Variants in EHHADH observed in about 807,000 individuals in gnomAD.
EHHADH encodes peroxisomal bifunctional enzyme.
EHHADH carries 48 observed loss-of-function variants against 64.4 expected under a neutral mutation model. The observed-to-expected ratio is 0.75, with a 90% CI of 0.59 to 0.95. EHHADH has a LOEUF of 0.95. Among genes scored for constraint, EHHADH ranks in the 40% least tolerant of loss-of-function variants. The pLI is 0.00. For synonymous variants in EHHADH, 308 were observed against 326.7 expected (o/e 0.94, Z 0.62); for missense variants, 854 against 876.6 (o/e 0.97, Z 0.33).
chr3:185,193,666 A>C (rs1717978021), intron 6 of EHHADH, among the ~76,000 whole-genome samples, 179 bp from the exon 7 acceptor site: 1 of 152,236 alleles, frequency 6.6e-6, no homozygotes, highest in African/African-American at 2.4e-5. Context: ...CAGAGGATAT[A>C]AAAATTAGTC....
At chr3:185,232,125 T>C (rs1019439287) in intron 3 of EHHADH, among the ~76,000 whole-genome samples, 3 of 152,154 alleles carry the variant, frequency 2.0e-5, no homozygotes, top group African/African-American at 7.2e-5. Flanking sequence ...GGTACTTAAA[T>C]GCGGACTGCC....
chr3:185,245,753 T>G, intron 2 of EHHADH: 1 of 707,594 alleles, frequency 1.4e-6, no homozygotes, highest in South Asian at 1.6e-5. Flanking sequence ...GCAAGTGTGC[T>G]GACAATATAA....
At chr3:185,217,872 C>T (rs966357588) in intron 5 of EHHADH, among the ~76,000 whole-genome samples, 1 of 151,528 alleles carries the variant, frequency 6.6e-6, no homozygotes, top group African/African-American at 2.4e-5. Context: ...TCACGCCATT[C>T]TCCTGCCTCA....
chr3:185,237,307 G>A (rs1372757393), intron 2 of EHHADH, among the ~76,000 whole-genome samples: 1 of 151,988 alleles, frequency 6.6e-6, no homozygotes, highest in African/African-American at 2.4e-5. Flanking sequence ...TGTATCTTCT[G>A]AATAATGAAG....
chr3:185,199,331 G>T (rs565267351), intron 6 of EHHADH, among the ~76,000 whole-genome samples: 2 of 152,346 alleles, frequency 1.3e-5, no homozygotes, highest in South Asian at 4.1e-4. Flanking sequence ...GTACTTTCTA[G>T]ATCCCTTGCA....
chr3:185,202,357 A>C (rs1469929371), intron 6 of EHHADH, among the ~76,000 whole-genome samples: 2 of 133,684 alleles, frequency 1.5e-5, no homozygotes, highest in Non-Finnish European at 3.3e-5. Flanking sequence ...AAAAAAAAAA[A>C]TCCCAAGCGA....
At chr3:185,244,073 C>T (rs1719526831) in intron 2 of EHHADH, among the ~76,000 whole-genome samples, 1 of 152,178 alleles carries the variant, frequency 6.6e-6, no homozygotes, top group Non-Finnish European at 1.5e-5. Context: ...TATATCTTCT[C>T]CTTGTATTGA....
At chr3:185,235,850 G>A (rs1250926519) in intron 2 of EHHADH, among the ~76,000 whole-genome samples, 2 of 152,064 alleles carry the variant, frequency 1.3e-5, no homozygotes, top group Non-Finnish European at 2.9e-5. Context: ...TCTCATTTTT[G>A]TATGTGTGAT....
intron 6 of EHHADH, among the ~76,000 whole-genome samples, chr3:185,198,605 T>C (rs1718137347): frequency 6.6e-6 from 1 of 151,872 alleles, no homozygotes; most frequent in Non-Finnish European, 1.5e-5. Context: ...TCCCAGCACT[T>C]TGAGAAGCTG....
chr3:185,191,416 C>T lies in EHHADH; in HGVS notation c.*810G>A, dbSNP rs1390775262. 6.6e-6 allele frequency: 1 copy of T among 152,058 alleles called. No homozygotes were observed. Among genetic ancestry groups the T allele is most frequent in the Non-Finnish European group, 1.5e-5 (1 of 68,008 alleles). 9.4% of individuals were successfully genotyped at this position (152,058 alleles called of 1,614,324 possible). On this transcript the variant is annotated 3_prime_UTR_variant, in exon 7 of 7. Transcript: ENST00000231887. ...ATTTGTGTACAAGTTTTTGTATTGA[C>T]CAGCCCCTTAATTTTTAACTACACA...
chr3:185,232,235 T>C (rs1474565708), intron 3 of EHHADH, among the ~76,000 whole-genome samples: 1 of 152,184 alleles, frequency 6.6e-6, no homozygotes, highest in Non-Finnish European at 1.5e-5. Context: ...ATTCTTTCCA[T>C]CACTGCCCAT....
intron 5 of EHHADH, among the ~76,000 whole-genome samples, chr3:185,215,918 A>G (rs969649699): frequency 1.3e-5 from 2 of 152,062 alleles, no homozygotes; most frequent in African/African-American, 4.8e-5. Context: ...TTTATATTCT[A>G]CACATTTTTA....
rs565228184 is a variant in EHHADH, at chr3:185,251,873, T to C, written c.74+2076A>G. On this transcript the variant is annotated intron_variant, in intron 1 of 6. Transcript: ENST00000231887. ...TATTCCCAAGTGGAGAATATCTTCT[T>C]GATGAAACTGAAGTGGGTCCTGAGT... is the stretch of plus-strand genomic sequence containing the variant. Among the ~76,000 whole-genome samples, 203 of 152,322 alleles carry C rather than the reference T, an allele frequency of 1.3e-3. 1 individual carries two copies. The highest frequency in any genetic ancestry group is 3.5e-3 in the East Asian group (18 of 5,182).
At chr3:185,196,641 G>A (rs1393990331) in intron 6 of EHHADH, among the ~76,000 whole-genome samples, 1 of 151,068 alleles carries the variant, frequency 6.6e-6, no homozygotes, top group African/African-American at 2.4e-5. Flanking sequence ...ATTCTGTCTC[G>A]AAAAAAAAGA....
At position 185,200,414 on chromosome 3, in the gene EHHADH, G is replaced by A. The variant is rs1027907953; in HGVS notation, c.910+4002C>T. ...AGTTTTCCAAATTTATTAACCCCCTGCACTTCTCTCAAGAACAAGAAGGTT... is the reference window on the plus strand; with the variant it reads ...AGTTTTCCAAATTTATTAACCCCCTACACTTCTCTCAAGAACAAGAAGGTT... On this transcript the variant is annotated intron_variant, in intron 6 of 6. Coordinates refer to ENST00000231887, the MANE Select transcript of EHHADH (RefSeq NM_001966.4). 3.3e-5 allele frequency among the ~76,000 whole-genome samples: 5 copies of A among 152,154 alleles called. No homozygotes were observed. In the Middle Eastern group the frequency reaches 0.014, roughly 414 times the overall value.
rs147693859 is a variant in EHHADH, at chr3:185,235,336, C to T, written c.305G>A (p.Gly102Glu). 45 of 1,613,790 alleles carry T rather than the reference C, an allele frequency of 2.8e-5. No individual in the cohort carries two copies. The highest frequency in any genetic ancestry group is 1.7e-4 in the Middle Eastern group (1 of 6,052). Residue 102 changes from glycine to glutamate, a missense_variant, in exon 3 of 7, where the codon GGA (glycine) becomes GAA (glutamate). By Grantham distance (98) the Gly-to-Glu change is moderately conservative (BLOSUM62 -2). Coordinates refer to ENST00000231887, the MANE Select transcript of EHHADH (RefSeq NM_001966.4). ...GTGACAGCCCAGGGCCAGCTCTAGTCCCCCTCCGAAAGCCATGCCTTGGAT... is the reference window on the plus strand; with the variant it reads ...GTGACAGCCCAGGGCCAGCTCTAGTTCCCCTCCGAAAGCCATGCCTTGGAT... ...AAIQGMAFGG[G>E]LELALGCHYR...
intron 4 of EHHADH, among the ~76,000 whole-genome samples, chr3:185,226,561 ATC>A (rs1212518223): frequency 6.6e-6 from 1 of 151,874 alleles, no homozygotes; most frequent in Admixed American, 6.6e-5. Flanking sequence ...AGGCAGGAGA[ATC>A]ACTTGAACCC....
chr3:185,207,665 C>T (rs1217276985), intron 5 of EHHADH, among the ~76,000 whole-genome samples: 1 of 152,164 alleles, frequency 6.6e-6, no homozygotes, highest in African/African-American at 2.4e-5. Context: ...CTAGAGCCTC[C>T]AGAAAAGAGT....
At chr3:185,221,899 C>T (rs999924903) in intron 4 of EHHADH, among the ~76,000 whole-genome samples, 2 of 151,896 alleles carry the variant, frequency 1.3e-5, no homozygotes, top group Non-Finnish European at 2.9e-5. Context: ...TCTAATTTGG[C>T]TAATGTATAC....
Sources: allele counts gnomAD v4.1 joint callset (sites outside exome capture counted in the v4.1 genomes callset), GRCh38; gene constraint gnomAD v4.1.1; transcripts MANE v1.5; gene names NCBI Gene and HGNC (gene_info 2026-07-23, HGNC 2026-07-21).